ITGA1: variants seen among roughly 807,000 people sequenced by gnomAD.
The protein encoded by ITGA1 is integrin alpha-1.
In ITGA1, 85 loss-of-function variants were observed where a neutral mutation model predicts 145.9. The ratio of observed to expected loss-of-function variants is 0.58; its 90% confidence interval spans 0.49 to 0.70. ITGA1 has a LOEUF of 0.70. ITGA1 is among the 30% of genes least tolerant of loss of function. ITGA1 has a pLI of 0.00. For synonymous variants in ITGA1, 520 were observed against 495.3 expected (o/e 1.05, Z -0.66); for missense variants, 1,351 against 1,418.7 (o/e 0.95, Z 0.77).
chr5:52,941,267 A>C (rs1751049996), intron 26 of ITGA1, among the ~76,000 whole-genome samples: 1 of 152,046 alleles, frequency 6.6e-6, no homozygotes, highest in Non-Finnish European at 1.5e-5. Flanking sequence ...TTTGGTAAAC[A>C]GTTTCTTTCG....
intron 8 of ITGA1, among the ~76,000 whole-genome samples, chr5:52,891,969 TC>T (rs1228241064): frequency 2.6e-5 from 4 of 152,176 alleles, no homozygotes; most frequent in Admixed American, 6.5e-5. Context: ...AGTACAAACC[TC>T]AACAAAGCTA....
At chr5:52,825,484 A>G (rs1231480621) in intron 1 of ITGA1, among the ~76,000 whole-genome samples, 1 of 152,192 alleles carries the variant, frequency 6.6e-6, no homozygotes, top group East Asian at 1.9e-4. Context: ...CCTTGTGATC[A>G]GTGGTGCCAG....
intron 1 of ITGA1, among the ~76,000 whole-genome samples, chr5:52,831,517 GA>G (rs1453417801): frequency 1.5e-5 from 2 of 133,056 alleles, no homozygotes; most frequent in Non-Finnish European, 3.2e-5. Flanking sequence ...CCTCTTTATT[GA>G]TTAAATAGGA....
chr5:52,882,116 CAA>C (rs1749970850), intron 7 of ITGA1, 95 bp downstream of exon 7: 1 of 1,063,212 alleles, frequency 9.4e-7, no homozygotes, highest in African/African-American at 1.6e-5. Flanking sequence ...TTTAATATGA[CAA>C]TATTTAAAGC....
At chr5:52,859,065 C>A (rs1341782436) in intron 2 of ITGA1, among the ~76,000 whole-genome samples, 1 of 152,032 alleles carries the variant, frequency 6.6e-6, no homozygotes, top group African/African-American at 2.4e-5. Flanking sequence ...ACACAGAAAG[C>A]ACTTAGAACA....
rs185201375 is a variant in ITGA1 at position 52,912,153 on chromosome 5, T to C, written c.1857+1734T>C. On this transcript the variant is annotated intron_variant, in intron 14 of 28. Coordinates refer to ENST00000282588, the MANE Select transcript of ITGA1 (RefSeq NM_181501.2). ...ATATAGCGTATCTAGTATATAGATA[T>C]GCTATATATAGCGTATCTAGTATAT... is the stretch of plus-strand genomic sequence containing the variant. Among the ~76,000 whole-genome samples the C allele has an allele frequency of 2.7e-3, 384 of 142,034 alleles. 3 individuals are homozygous for C. The highest frequency in any genetic ancestry group is 4.2e-3 in the Admixed American group (59 of 13,942). 93.2% of individuals were successfully genotyped at this position (142,034 alleles called of 152,430 possible). A position where few individuals can be genotyped will look rare whatever the true frequency, so the allele number is the denominator to read the frequency against.
At chr5:52,805,026 A>G (rs1364965675) in intron 1 of ITGA1, among the ~76,000 whole-genome samples, 1 of 152,002 alleles carries the variant, frequency 6.6e-6, no homozygotes, top group Non-Finnish European at 1.5e-5. Flanking sequence ...TGTGGGGAGG[A>G]CAAACATGTA....
At chr5:52,834,725 A>AAG (rs1307967594) in intron 1 of ITGA1, among the ~76,000 whole-genome samples, 3 of 149,806 alleles carry the variant, frequency 2.0e-5, no homozygotes, top group Non-Finnish European at 3.0e-5. Context: ...GAAGGAGAGA[A>AAG]AGAGAGAGAG....
chr5:52,903,676 T>C (rs1750351935), intron 11 of ITGA1: 1 of 152,228 alleles, frequency 6.6e-6, no homozygotes, highest in Non-Finnish European at 1.5e-5. Flanking sequence ...CAGTGAGAAG[T>C]GCTATTCTGT....
At chr5:52,900,110 C>A (rs1750291514) in intron 11 of ITGA1, among the ~76,000 whole-genome samples, 1 of 152,066 alleles carries the variant, frequency 6.6e-6, no homozygotes, top group Non-Finnish European at 1.5e-5. Context: ...AACAAGCAAT[C>A]ACTATCAGTA....
chr5:52,824,711 A>C (rs974306523), intron 1 of ITGA1: 1 of 152,204 alleles, frequency 6.6e-6, no homozygotes, highest in Non-Finnish European at 1.5e-5. Flanking sequence ...TCTATTAGCC[A>C]CCAAAGAGAA....
At chr5:52,921,328 T>A (rs1750726918) in intron 17 of ITGA1, among the ~76,000 whole-genome samples, 1 of 152,176 alleles carries the variant, frequency 6.6e-6, no homozygotes, top group Non-Finnish European at 1.5e-5. Flanking sequence ...ATATTCATAG[T>A]CTGTATTTTG....
chr5:52,823,760 A>G (rs1748915790), intron 1 of ITGA1, among the ~76,000 whole-genome samples: 1 of 152,242 alleles, frequency 6.6e-6, no homozygotes, highest in Non-Finnish European at 1.5e-5. Context: ...GACAAAGGAA[A>G]AGAAAGAATT....
chr5:52,832,482 G>T (rs573322691), intron 1 of ITGA1, among the ~76,000 whole-genome samples: 1 of 152,252 alleles, frequency 6.6e-6, no homozygotes, highest in Non-Finnish European at 1.5e-5. Context: ...AATAATAGCT[G>T]AGGTCTCATC....
chr5:52,863,757 G>C (rs1167351943), intron 3 of ITGA1, among the ~76,000 whole-genome samples: 2 of 152,162 alleles, frequency 1.3e-5, no homozygotes, highest in African/African-American at 4.8e-5. Flanking sequence ...CAGTAGGGAA[G>C]TTTCCACTGT....
intron 14 of ITGA1, among the ~76,000 whole-genome samples, chr5:52,911,213 AGT>A (rs1213774424): frequency 1.5e-5 from 2 of 136,316 alleles, no homozygotes; most frequent in Non-Finnish European, 3.1e-5. Flanking sequence ...TATAATATAT[AGT>A]GTATATATAG....
At chr5:52,878,961 C>CAAA (rs33911483) in intron 6 of ITGA1, among the ~76,000 whole-genome samples, 21 of 130,714 alleles carry the variant, frequency 1.6e-4, no homozygotes, top group African/African-American at 5.5e-4. Context: ...GTCTAAGTAC[C>CAAA]AAAAAAAAAA....
chr5:52,836,683 T>C (rs74650876), intron 1 of ITGA1, among the ~76,000 whole-genome samples: 1 of 152,054 alleles, frequency 6.6e-6, no homozygotes, highest in Admixed American at 6.6e-5. Context: ...TTGATCTCAA[T>C]GTGGCTGAAA....
At chr5:52,852,480 T>G (rs1392627703) in intron 2 of ITGA1, among the ~76,000 whole-genome samples, 1 of 152,096 alleles carries the variant, frequency 6.6e-6, no homozygotes, top group African/African-American at 2.4e-5. Flanking sequence ...TCAGTAAATC[T>G]TGGTGGAAGT....
Sources: allele counts gnomAD v4.1 joint callset (sites outside exome capture counted in the v4.1 genomes callset), GRCh38; gene constraint gnomAD v4.1.1; transcripts MANE v1.5; gene names NCBI Gene and HGNC (gene_info 2026-07-23, HGNC 2026-07-21).